The following SAMD5 variants were observed in gnomAD, a reference collection of about 807,000 sequenced individuals.
SAMD5 encodes the protein sterile alpha motif domain containing 5, also known as sterile alpha motif domain-containing protein 5.
In SAMD5, 13 loss-of-function variants were observed where a neutral mutation model predicts 11.3. The ratio of observed to expected loss-of-function variants is 1.15; its 90% confidence interval spans 0.75 to 1.83. The LOEUF is 1.83. Ranked by LOEUF, SAMD5 falls within the 40% of genes most tolerant of loss-of-function variation. SAMD5 has a pLI of 0.00. For missense variants in SAMD5, 255 were observed against 239.1 expected (o/e 1.07, Z -0.44); for synonymous variants, 129 against 111.3 (o/e 1.16, Z -1.00).
At chr6:147,882,832 T>G in the SAMD5 span, among the ~76,000 whole-genome samples, 2 of 152,222 alleles carry the variant, frequency 1.3e-5, no homozygotes, top group African/African-American at 2.4e-5. Context: ...GAAGCAAAAT[T>G]TAGAAGACAA....
the SAMD5 span, among the ~76,000 whole-genome samples, chr6:147,890,997 G>A: frequency 3.9e-5 from 6 of 152,120 alleles, no homozygotes; most frequent in Admixed American, 1.3e-4. Context: ...TGGTAGCCCC[G>A]TATGATTGCA....
intron 1 of SAMD5, among the ~76,000 whole-genome samples, chr6:147,638,180 C>T (rs943391107): frequency 2.8e-4 from 42 of 152,116 alleles, no homozygotes; most frequent in Admixed American, 8.5e-4. Context: ...AAGTCATTTT[C>T]GATGCTATTT....
intron 1 of SAMD5, among the ~76,000 whole-genome samples, chr6:147,563,357 G>C (rs1788985350): frequency 6.6e-6 from 1 of 152,166 alleles, no homozygotes; most frequent in South Asian, 2.1e-4. Context: ...TTTTTTGGGA[G>C]CTTACAAGGC....
chr6:147,867,610 G>A, the SAMD5 span, among the ~76,000 whole-genome samples: 3 of 152,112 alleles, frequency 2.0e-5, no homozygotes, highest in East Asian at 1.9e-4. Flanking sequence ...GCAATCAGCC[G>A]AGGCCAAGGG....
At chr6:147,787,723 G>A in the SAMD5 span, among the ~76,000 whole-genome samples, 1 of 152,188 alleles carries the variant, frequency 6.6e-6, no homozygotes, top group Non-Finnish European at 1.5e-5. Context: ...TCTGTGTGAT[G>A]CAAATTTTCT....
At chr6:147,572,523 T>C (rs1258592730), downstream of SAMD5, among the ~76,000 whole-genome samples, 1 of 152,194 alleles carries the variant, frequency 6.6e-6, no homozygotes, top group African/African-American at 2.4e-5. Flanking sequence ...TCACCCTGGC[T>C]AGAGTGCAGT....
intron 1 of SAMD5, among the ~76,000 whole-genome samples, chr6:147,514,455 G>T (rs1395316385): frequency 6.6e-6 from 1 of 150,516 alleles, no homozygotes; most frequent in Non-Finnish European, 1.5e-5. Flanking sequence ...TTTAGACATG[G>T]TCATAAACAT....
chr6:147,926,910 C>T, the SAMD5 span, among the ~76,000 whole-genome samples: 1 of 152,140 alleles, frequency 6.6e-6, no homozygotes. Flanking sequence ...GTTATTTCAG[C>T]ACCATTTATT....
chr6:147,559,143 G>A (rs562397881), intron 1 of SAMD5, among the ~76,000 whole-genome samples: 1 of 152,182 alleles, frequency 6.6e-6, no homozygotes. Context: ...CAGGCGGTAA[G>A]GCGGCACTGG....
chr6:147,511,074 G>C (rs920398785), intron 1 of SAMD5, among the ~76,000 whole-genome samples: 10 of 152,178 alleles, frequency 6.6e-5, no homozygotes, highest in Admixed American at 2.6e-4. Context: ...CACTTGATAA[G>C]GGCACAGTTC....
In SAMD5 at chr6:147,719,229, A is replaced by G. The variant is rs182654267; in HGVS notation, c.163-18088A>G. ...ACATCAGGACCCAGAGCAAGGAAAC[A>G]GGTACCAGAATATCTGAGCTCCAAG... On this transcript the variant is annotated intron_variant, in intron 1 of 1. Transcript: ENST00000566741. Among the ~76,000 whole-genome samples the G allele has an allele frequency of 4.5e-4, 68 of 152,354 alleles. 3 individuals are homozygous for G. In the East Asian group the frequency reaches 0.013, roughly 29 times the overall value.
At chr6:147,697,607 TAAA>T (rs984303912) in intron 1 of SAMD5, among the ~76,000 whole-genome samples, 1 of 151,978 alleles carries the variant, frequency 6.6e-6, no homozygotes, top group Non-Finnish European at 1.5e-5. Context: ...AGCTTAACAA[TAAA>T]AAAATCTATA....
the SAMD5 span, among the ~76,000 whole-genome samples, chr6:147,943,676 A>G: frequency 6.6e-6 from 1 of 151,988 alleles, no homozygotes; most frequent in South Asian, 2.1e-4. Context: ...CAAATGTATC[A>G]TATTCATAAG....
At chr6:147,637,656 C>T (rs190490495) in intron 1 of SAMD5, among the ~76,000 whole-genome samples, 81 of 152,236 alleles carry the variant, frequency 5.3e-4, no homozygotes, top group Middle Eastern at 3.4e-3. Flanking sequence ...AAAAAGAAAC[C>T]GTTCACCTCA....
In SAMD5 at chr6:147,556,401, A is replaced by C. The variant is rs115605815; in HGVS notation, c.460-7993A>C. On this transcript the variant is annotated intron_variant, in intron 1 of 1. Transcript: ENST00000367474. The stretch of plus-strand genomic sequence containing the variant: ...GCCACCGTGCCCGGCTACTAGTGTT[A>C]TTTTTAAATGAATTAAATATGTATT... Among the ~76,000 whole-genome samples, 1,433 of 152,340 alleles carry C rather than the reference A, an allele frequency of 9.4e-3. 21 individuals carry two copies. Among genetic ancestry groups the C allele is most frequent in the African/African-American group, 0.032 (1,317 of 41,592 alleles).
At chr6:147,952,191 G>A in the SAMD5 span, among the ~76,000 whole-genome samples, 2 of 152,092 alleles carry the variant, frequency 1.3e-5, no homozygotes, top group African/African-American at 4.8e-5. Context: ...TCCCAAAATT[G>A]CCATCTTTAT....
At chr6:147,662,679 A>G (rs1470123103) in intron 1 of SAMD5, among the ~76,000 whole-genome samples, 1 of 152,164 alleles carries the variant, frequency 6.6e-6, no homozygotes, top group African/African-American at 2.4e-5. Context: ...GTCCAGATGA[A>G]AAGCCTTGGG....
the SAMD5 span, among the ~76,000 whole-genome samples, chr6:147,818,972 A>G: frequency 5.9e-5 from 9 of 152,196 alleles, no homozygotes; most frequent in Non-Finnish European, 1.2e-4. Context: ...AAATCTCATT[A>G]CTAGGTATAT....
intron 1 of SAMD5, chr6:147,733,819 G>A (rs1295615122): frequency 2.2e-5 from 20 of 928,652 alleles, no homozygotes; most frequent in Non-Finnish European, 2.6e-5. Context: ...AAGGTAAGCC[G>A]CTGAGATTTT....
Sources: gnomAD v4.1 joint callset for allele counts (sites outside exome capture counted in the v4.1 genomes callset) on GRCh38, gnomAD v4.1.1 for gene constraint, MANE v1.5 for transcripts, NCBI Gene and HGNC (gene_info 2026-07-23, HGNC 2026-07-21) for gene names.